TLN2: variants seen among roughly 807,000 people sequenced by gnomAD.
TLN2 encodes talin 2.
A neutral mutation model predicts 294.7 loss-of-function variants in TLN2; 118 were observed. That is an observed-to-expected ratio of 0.40 (90% CI 0.34 to 0.47). The LOEUF is 0.47. Ranked by LOEUF, TLN2 falls within the 20% of genes least tolerant of loss-of-function variation. TLN2 has a pLI of 0.84. For synonymous variants in TLN2, 1,431 were observed against 1,304.5 expected, an observed-to-expected ratio of 1.10 and a Z score of -2.09; for missense variants, 3,083 against 3,282.2, an observed-to-expected ratio of 0.94 and a Z score of 1.48.
chr15:62,469,407 C>T (rs1222604093), intron 1 of TLN2, among the ~76,000 whole-genome samples: 3 of 152,134 alleles, frequency 2.0e-5, no homozygotes, highest in African/African-American at 4.8e-5. Flanking sequence ...AAATTCAGTC[C>T]CTTTCACAAT....
Position 62,533,918 on chromosome 15 carries a change from T to A in TLN2, c.-237-55769T>A, listed in dbSNP as rs144835559. On this transcript the variant is annotated intron_variant, in intron 1 of 58. Coordinates refer to ENST00000636159, the MANE Select transcript of TLN2 (RefSeq NM_015059.3). ...GCTCAGGTGATTGGCTGCTGTTTGC[T>A]TATGGTGTGAGCCACAGATGGTTGC... Among the ~76,000 whole-genome samples the A allele has an allele frequency of 6.2e-3, 951 of 152,298 alleles. 11 individuals carry two copies. Among genetic ancestry groups the A allele is most frequent in the African/African-American group, 0.022 (899 of 41,552 alleles).
chr15:62,694,140 G>A (rs889166045), intron 13 of TLN2, among the ~76,000 whole-genome samples, 176 bp from the exon 14 acceptor site: 7 of 151,558 alleles, frequency 4.6e-5, no homozygotes, highest in Non-Finnish European at 1.0e-4. Flanking sequence ...GCTGATTTAT[G>A]TATATATATA....
chr15:62,638,774 C>T (rs1225385448), intron 3 of TLN2, among the ~76,000 whole-genome samples: 1 of 152,142 alleles, frequency 6.6e-6, no homozygotes, highest in Admixed American at 6.5e-5. Context: ...TTCTCTGTGT[C>T]AGGTACTTTA....
intron 1 of TLN2, among the ~76,000 whole-genome samples, chr15:62,552,146 T>G (rs4775512): frequency 0.23 from 34,921 of 152,184 alleles, 4,383 homozygotes; most frequent in East Asian, 0.53. Flanking sequence ...ATCAACAGAT[T>G]TCTCTAGACA....
chr15:62,462,679 A>G (rs1313350213), intron 1 of TLN2, among the ~76,000 whole-genome samples: 1 of 152,174 alleles, frequency 6.6e-6, no homozygotes, highest in African/African-American at 2.4e-5. Flanking sequence ...GCTGGAGGAA[A>G]TGGCCTGGCG....
chr15:62,429,999 G>A (rs2034930079), intron 1 of TLN2, among the ~76,000 whole-genome samples: 1 of 152,034 alleles, frequency 6.6e-6, no homozygotes, highest in Admixed American at 6.6e-5. Context: ...TAAGAAAAAA[G>A]GTTTTGATTT....
Position 62,637,054 on chromosome 15 carries a change from A to G in TLN2, c.-36-10221A>G, listed in dbSNP as rs1474762706. ...AAAGCTCGTGTTGCTCAGCCTCAGC[A>G]GGAGCCTGCAGAATATGCCTTCCTG... is the stretch of plus-strand genomic sequence containing the variant. On this transcript the variant is annotated intron_variant, in intron 3 of 58. Transcript: ENST00000636159. The G allele has an allele frequency of 2.0e-5, 3 of 152,244 alleles. No homozygotes were observed. The East Asian group carries it at 5.8e-4, about 29-fold the overall frequency. 9.4% of individuals were successfully genotyped at this position (152,244 alleles called of 1,614,324 possible).
At chr15:62,743,291 G>A (rs187079738) in intron 32 of TLN2, among the ~76,000 whole-genome samples, 7 of 151,900 alleles carry the variant, frequency 4.6e-5, no homozygotes, top group African/African-American at 7.2e-5. Flanking sequence ...ATGCCACTGC[G>A]GGGACCCAGG....
intron 26 of TLN2, 27 bp from the exon 27 acceptor site, chr15:62,724,949 T>G (rs1385475915): frequency 1.2e-6 from 2 of 1,602,962 alleles, no homozygotes; most frequent in Non-Finnish European, 1.7e-6. Context: ...GCAGACTGGG[T>G]ATACATATTT....
At chr15:62,508,109 A>T (rs889649899) in intron 1 of TLN2, among the ~76,000 whole-genome samples, 2 of 152,152 alleles carry the variant, frequency 1.3e-5, no homozygotes, top group African/African-American at 4.8e-5. Context: ...TATTTGGTAG[A>T]GATGAATGAA....
chr15:62,704,087 T>C (rs1372610905), intron 19 of TLN2, among the ~76,000 whole-genome samples: 1 of 152,242 alleles, frequency 6.6e-6, no homozygotes, highest in East Asian at 1.9e-4. Flanking sequence ...TCATGTTCAC[T>C]GTTTAGGAAT....
chr15:62,776,714 G>A, intron 42 of TLN2, 50 bp from the exon 43 acceptor site: 8 of 1,392,710 alleles, frequency 5.7e-6, no homozygotes, highest in Non-Finnish European at 7.5e-6. Flanking sequence ...TTAGAAGACT[G>A]AGCACCGCTC....
chr15:62,819,501 G>T lies in TLN2; in HGVS notation c.6772-15G>T. On this transcript the variant is annotated splice_polypyrimidine_tract_variant and intron_variant, in intron 52 of 58. Transcript: ENST00000636159. ...ACTATCCCCCTCATGCCTCTGACTT[G>T]TTCTTCACCTGTAGATTCTTCAGAA... 2 of 1,609,678 alleles carry T rather than the reference G, an allele frequency of 1.2e-6. No homozygotes were observed. Among genetic ancestry groups the T allele is most frequent in the Non-Finnish European group, 8.5e-7 (1 of 1,176,026 alleles).
intron 52 of TLN2, among the ~76,000 whole-genome samples, chr15:62,818,633 C>T (rs1462803470): frequency 2.6e-5 from 4 of 152,196 alleles, no homozygotes; most frequent in Non-Finnish European, 1.5e-5. Flanking sequence ...ATCCTCAGGA[C>T]TTCTCCCAGG....
chr15:62,521,421 A>C (rs561234701), intron 1 of TLN2, among the ~76,000 whole-genome samples: 1 of 152,356 alleles, frequency 6.6e-6, no homozygotes, highest in East Asian at 1.9e-4. Context: ...AAACAGTCTC[A>C]AGAGGTCCTG....
chr15:62,631,516 T>G (rs1475690029), intron 3 of TLN2, among the ~76,000 whole-genome samples: 1 of 111,714 alleles, frequency 9.0e-6, no homozygotes, highest in African/African-American at 3.3e-5. Flanking sequence ...CTTTCTTTCT[T>G]TCTTCCTTTC....
chr15:62,601,469 T>G (rs958817558), intron 2 of TLN2, among the ~76,000 whole-genome samples: 3 of 152,226 alleles, frequency 2.0e-5, no homozygotes, highest in Non-Finnish European at 4.4e-5. Flanking sequence ...GACTCAGATC[T>G]CTTGGGGTAT....
chr15:62,458,318 C>T (rs1481321420), intron 1 of TLN2, among the ~76,000 whole-genome samples: 1 of 152,134 alleles, frequency 6.6e-6, no homozygotes, highest in African/African-American at 2.4e-5. Context: ...TCCCTGATTC[C>T]TTGAGATGGG....
At chr15:62,458,232 C>A (rs1168047435) in intron 1 of TLN2, among the ~76,000 whole-genome samples, 1 of 152,090 alleles carries the variant, frequency 6.6e-6, no homozygotes, top group African/African-American at 2.4e-5. Flanking sequence ...CTCTTGTGCC[C>A]AGGCCTTTTT....
Sources: gnomAD v4.1 joint callset for allele counts (sites outside exome capture counted in the v4.1 genomes callset) on GRCh38, gnomAD v4.1.1 for gene constraint, MANE v1.5 for transcripts, NCBI Gene and HGNC (gene_info 2026-07-23, HGNC 2026-07-21) for gene names.